The following PTPRD variants were observed in gnomAD, a reference collection of about 807,000 sequenced individuals.
PTPRD encodes the protein protein tyrosine phosphatase receptor type D, also known as receptor-type tyrosine-protein phosphatase delta.
PTPRD carries 34 observed loss-of-function variants against 214.5 expected under a neutral mutation model. That is an observed-to-expected ratio of 0.16 (90% confidence interval 0.12 to 0.21). The LOEUF is 0.21. PTPRD is among the 10% of genes least tolerant of loss of function. The probability of loss-of-function intolerance (pLI) is 1.00; values close to 1 mark genes in which losing one functional copy is unlikely to be tolerated. For missense variants in PTPRD, 2,545 were observed against 2,398.7 expected (o/e 1.06, Z -1.27); for synonymous variants, 1,128 against 845.7 (o/e 1.33, Z -5.79).
intron 5 of PTPRD, among the ~76,000 whole-genome samples, chr9:9,900,157 C>A (rs2076047802): frequency 6.6e-6 from 1 of 152,182 alleles, no homozygotes; most frequent in African/African-American, 2.4e-5. Flanking sequence ...CTCCTTCCTT[C>A]CCTACCACAT....
intron 10 of PTPRD, among the ~76,000 whole-genome samples, chr9:9,020,794 A>C (rs1341129085): frequency 6.6e-6 from 1 of 152,172 alleles, no homozygotes; most frequent in Non-Finnish European, 1.5e-5. Flanking sequence ...AGTGGCTGTC[A>C]TGAAGTGGAA....
chr9:9,931,272 C>A (rs1047087545), intron 5 of PTPRD, among the ~76,000 whole-genome samples: 4 of 152,152 alleles, frequency 2.6e-5, no homozygotes, highest in Admixed American at 6.5e-5. Flanking sequence ...CCAGCGTGAG[C>A]GACGCAGAAG....
intron 3 of PTPRD, among the ~76,000 whole-genome samples, chr9:10,280,110 G>A (rs1257993369): frequency 1.3e-5 from 2 of 152,036 alleles, no homozygotes; most frequent in African/African-American, 2.4e-5. Context: ...CATAACTGCT[G>A]AAAGATTCAA....
intron 8 of PTPRD, among the ~76,000 whole-genome samples, chr9:9,450,756 G>A (rs938943395): frequency 7.3e-6 from 1 of 137,846 alleles, no homozygotes; most frequent in African/African-American, 2.5e-5. Flanking sequence ...TATGGGGGGG[G>A]GTGTGTGTGT....
intron 5 of PTPRD, among the ~76,000 whole-genome samples, chr9:9,840,874 G>C (rs1004666869): frequency 6.0e-5 from 9 of 150,252 alleles, no homozygotes; most frequent in African/African-American, 2.0e-4. Context: ...ATTTGGTTTG[G>C]TGATAAATAT....
chr9:9,961,645 GAC>G (rs1022850790), intron 4 of PTPRD, among the ~76,000 whole-genome samples: 3 of 152,132 alleles, frequency 2.0e-5, no homozygotes, highest in Non-Finnish European at 4.4e-5. Context: ...GAAATGTTAT[GAC>G]AGAGTGTGGG....
At chr9:9,312,500 CA>C (rs1203715397) in intron 9 of PTPRD, among the ~76,000 whole-genome samples, 1 of 152,144 alleles carries the variant, frequency 6.6e-6, no homozygotes, top group Non-Finnish European at 1.5e-5. Context: ...GTGGAGTTTT[CA>C]GCTTTCCCCA....
intron 3 of PTPRD, among the ~76,000 whole-genome samples, chr9:10,227,819 G>C (rs1347678265): frequency 6.6e-6 from 1 of 151,818 alleles, no homozygotes; most frequent in African/African-American, 2.4e-5. Flanking sequence ...TGAGAGAATG[G>C]GCCTATGTTT....
rs112704839 is a variant in PTPRD, at chr9:10,313,249, G to A, written c.-545+27714C>T. Among the ~76,000 whole-genome samples the A allele has an allele frequency of 3.9e-5, 6 of 151,980 alleles. 1 individual carries two copies. Among genetic ancestry groups the A allele is most frequent in the African/African-American group, 1.4e-4 (6 of 41,510 alleles). Reference sequence around the variant, plus strand: ...CCTGATAATTACACACAGCTTGACAGTGTTAACTTGGACTCTTTCTCTTAT... The same window carrying A: ...CCTGATAATTACACACAGCTTGACAATGTTAACTTGGACTCTTTCTCTTAT... On this transcript the variant is annotated intron_variant, in intron 3 of 45. Transcript: ENST00000381196.
At chr9:8,446,517 T>C (rs370804004) in intron 34 of PTPRD, among the ~76,000 whole-genome samples, 1 of 152,200 alleles carries the variant, frequency 6.6e-6, no homozygotes, top group Admixed American at 6.5e-5. Context: ...GAAATCAATT[T>C]GCCTTTGGGA....
At chr9:9,390,795 A>G (rs2065553792) in intron 9 of PTPRD, among the ~76,000 whole-genome samples, 2 of 152,150 alleles carry the variant, frequency 1.3e-5, no homozygotes, top group African/African-American at 4.8e-5. Context: ...ACTTTGAAAG[A>G]GTTATTAATA....
In PTPRD at chr9:9,115,941, C is replaced by G. The variant is rs1019472288; in HGVS notation, c.-143+67363G>C. Among the ~76,000 whole-genome samples, 8 of 152,054 alleles carry G rather than the reference C, an allele frequency of 5.3e-5. No homozygotes were observed. In the East Asian group the frequency reaches 1.5e-3, roughly 29 times the overall value. On this transcript the variant is annotated intron_variant, in intron 10 of 45. Transcript: ENST00000381196. ...GCAGCAACATGTGTATAGCTGGAGG[C>G]CCTTATCCTAAGATAATTAGCACAG...
chr9:10,329,309 G>T (rs2154433425), intron 3 of PTPRD, among the ~76,000 whole-genome samples: 1 of 151,822 alleles, frequency 6.6e-6, no homozygotes, highest in South Asian at 2.1e-4. Context: ...TGCCATTTGG[G>T]CAATACATGA....
chr9:10,479,276 G>A (rs547742010), intron 2 of PTPRD, among the ~76,000 whole-genome samples: 34 of 152,164 alleles, frequency 2.2e-4, no homozygotes, highest in African/African-American at 7.5e-4. Flanking sequence ...AACCTTAGAG[G>A]TACTTGTGTG....
intron 11 of PTPRD, among the ~76,000 whole-genome samples, chr9:8,754,597 T>C (rs181281291): frequency 8.5e-5 from 13 of 152,296 alleles, no homozygotes; most frequent in Admixed American, 5.2e-4. Context: ...ATATACAAAA[T>C]AACATATTAG....
At chr9:8,522,851 A>C (rs2097918217) in intron 19 of PTPRD, among the ~76,000 whole-genome samples, 1 of 152,194 alleles carries the variant, frequency 6.6e-6, no homozygotes, top group Non-Finnish European at 1.5e-5. Context: ...ATTTTTTAAA[A>C]ATTATAAATA....
chr9:9,584,124 T>A (rs1592203386), intron 7 of PTPRD, among the ~76,000 whole-genome samples: 1 of 151,828 alleles, frequency 6.6e-6, no homozygotes, highest in Admixed American at 6.6e-5. Flanking sequence ...CCCAAAAACA[T>A]GCATCAGAAG....
At position 9,900,085 on chromosome 9, in the gene PTPRD, T is replaced by C. The variant is rs373091748; in HGVS notation, c.-368+38422A>G. ...TGTTCATGGAGTGAAACACTTAATA[T>C]CATGCAAATCTCTCTAGCAAGTGGT... On this transcript the variant is annotated intron_variant, in intron 5 of 45. Coordinates refer to ENST00000381196, the MANE Select transcript of PTPRD (RefSeq NM_002839.4). Among the ~76,000 whole-genome samples, 33 of 152,290 alleles carry C rather than the reference T, an allele frequency of 2.2e-4. 1 individual carries two copies. The highest frequency in any genetic ancestry group is 7.9e-4 in the African/African-American group (33 of 41,568).
chr9:9,717,817 T>C (rs185603917), intron 7 of PTPRD, among the ~76,000 whole-genome samples: 5 of 152,236 alleles, frequency 3.3e-5, no homozygotes, highest in Admixed American at 2.6e-4. Context: ...AAAAATAATA[T>C]GGGAACATAC....
Sources: gnomAD v4.1 joint callset for allele counts (sites outside exome capture counted in the v4.1 genomes callset) on GRCh38, gnomAD v4.1.1 for gene constraint, MANE v1.5 for transcripts, NCBI Gene and HGNC (gene_info 2026-07-23, HGNC 2026-07-21) for gene names.